FYN: variants seen among roughly 807,000 people sequenced by gnomAD.
FYN encodes FYN proto-oncogene, Src family tyrosine kinase, also known as tyrosine-protein kinase Fyn.
In FYN, 10 loss-of-function variants were observed where a neutral mutation model predicts 70.2. The observed-to-expected ratio is 0.14, with a 90% CI of 0.09 to 0.24. The LOEUF (loss-of-function observed/expected upper bound fraction) is 0.24, where lower values mean the gene tolerates loss of function less well. Ranked by LOEUF, FYN falls within the 10% of genes least tolerant of loss-of-function variation. The pLI is 1.00. For missense variants in FYN, 319 were observed against 673.1 expected, an observed-to-expected ratio of 0.47 and a Z score of 5.82; for synonymous variants, 236 against 248.6, an observed-to-expected ratio of 0.95 and a Z score of 0.48.
In FYN at chr6:111,847,286, C is replaced by T. The variant is rs1773559799; in HGVS notation, c.-122-657G>A. The stretch of plus-strand genomic sequence containing the variant: ...GCTGAGTGCTGGTTCTGATGACACC[C>T]ATGCATGCTTCACATTAATCTTTAA... On this transcript the variant is annotated intron_variant, in intron 1 of 13. Transcript: ENST00000354650. Among the ~76,000 whole-genome samples, 4 of 152,234 alleles carry T rather than the reference C, an allele frequency of 2.6e-5. 1 individual carries two copies. The South Asian group carries it at 8.3e-4, about 31-fold the overall frequency.
rs62413725 is a variant in FYN, at chr6:111,848,916, T to C, written c.-122-2287A>G. 9.1e-3 allele frequency among the ~76,000 whole-genome samples: 1,393 copies of C among 152,356 alleles called. 15 individuals are homozygous for C. Among genetic ancestry groups the C allele is most frequent in the South Asian group, 0.028 (133 of 4,834 alleles). On this transcript the variant is annotated intron_variant, in intron 1 of 13. Transcript: ENST00000354650. ...ACCAATTATCTTCCTAATTTATCTT[T>C]ATTCTAAATCTGATTTTTTGAAGAT...
chr6:111,693,331 C>T (rs930863257), intron 12 of FYN, among the ~76,000 whole-genome samples: 18 of 152,192 alleles, frequency 1.2e-4, no homozygotes, highest in Non-Finnish European at 1.9e-4. Context: ...GTCACTGCTC[C>T]GCTTTGCTTG....
At chr6:111,741,082 C>G (rs1375769528) in intron 3 of FYN, 2 of 147,096 alleles carry the variant, frequency 1.4e-5, no homozygotes, top group Non-Finnish European at 3.0e-5. Flanking sequence ...GCCTGGGTGA[C>G]AGAGTGAGAC....
chr6:111,750,158 T>C (rs755880066), intron 3 of FYN, among the ~76,000 whole-genome samples: 7 of 152,242 alleles, frequency 4.6e-5, no homozygotes, highest in Non-Finnish European at 1.0e-4. Flanking sequence ...TTTGCATGTA[T>C]GTCTCCGTCC....
At chr6:111,794,936 G>C (rs868571268) in intron 2 of FYN, among the ~76,000 whole-genome samples, 23 of 152,150 alleles carry the variant, frequency 1.5e-4, no homozygotes, top group Admixed American at 6.6e-5. Flanking sequence ...TAAGTCACAG[G>C]CAAGTCCTAA....
chr6:111,831,588 T>C (rs1191837995), intron 2 of FYN, among the ~76,000 whole-genome samples: 1 of 152,206 alleles, frequency 6.6e-6, no homozygotes, highest in Admixed American at 6.5e-5. Flanking sequence ...CTCAAAAGGA[T>C]GTTATCAAGT....
intron 3 of FYN, among the ~76,000 whole-genome samples, chr6:111,736,163 G>A (rs1801699971): frequency 1.3e-5 from 2 of 152,198 alleles, no homozygotes; most frequent in African/African-American, 4.8e-5. Flanking sequence ...AGGGTTAGAG[G>A]TGCAGATGAA....
chr6:111,836,438 A>T (rs1773188859), intron 2 of FYN, among the ~76,000 whole-genome samples: 1 of 151,758 alleles, frequency 6.6e-6, no homozygotes, highest in Admixed American at 6.6e-5. Flanking sequence ...AAATTTTTAA[A>T]TTATATTTCC....
intron 4 of FYN, among the ~76,000 whole-genome samples, chr6:111,716,490 A>G (rs1800648745): frequency 6.6e-6 from 1 of 152,150 alleles, no homozygotes; most frequent in Non-Finnish European, 1.5e-5. Flanking sequence ...CTGTGTACCT[A>G]GTACAGTTAT....
intron 3 of FYN, among the ~76,000 whole-genome samples, chr6:111,752,461 A>C (rs79755561): frequency 1.4e-3 from 215 of 152,342 alleles, no homozygotes; most frequent in African/African-American, 5.0e-3. Flanking sequence ...TCCAATGGAG[A>C]GATCAGTCAA....
chr6:111,667,483 G>A (rs1283066792), intron 13 of FYN, among the ~76,000 whole-genome samples: 1 of 152,008 alleles, frequency 6.6e-6, no homozygotes, highest in East Asian at 1.9e-4. Context: ...TGAACTTCTG[G>A]CCTCAAGCGA....
chr6:111,698,178 T>C (rs1799658612), intron 9 of FYN, among the ~76,000 whole-genome samples: 2 of 93,038 alleles, frequency 2.1e-5, no homozygotes, highest in South Asian at 5.5e-4. Flanking sequence ...CAGGCTGGAG[T>C]GCAATGGTGC....
In FYN at chr6:111,808,844, C is replaced by T. The variant is rs552723237; in HGVS notation, c.-81-28209G>A. ...AGTAACTTTTGAAATGACACAACTTCGTCCAGAGAAGTCGTTCAACAATAA... is the reference window on the plus strand; with the variant it reads ...AGTAACTTTTGAAATGACACAACTTTGTCCAGAGAAGTCGTTCAACAATAA... On this transcript the variant is annotated intron_variant, in intron 2 of 13. Transcript: ENST00000354650. Among the ~76,000 whole-genome samples, 5 of 152,304 alleles carry T rather than the reference C, an allele frequency of 3.3e-5. No homozygotes were observed. The East Asian group carries it at 5.8e-4, about 18-fold the overall frequency.
intron 3 of FYN, among the ~76,000 whole-genome samples, chr6:111,750,525 T>C (rs911220288): frequency 6.6e-6 from 1 of 152,212 alleles, no homozygotes; most frequent in Non-Finnish European, 1.5e-5. Flanking sequence ...GGTATTTCTT[T>C]ACAGTAATGT....
intron 3 of FYN, among the ~76,000 whole-genome samples, chr6:111,759,296 T>C (rs2128492904): frequency 6.6e-6 from 1 of 152,232 alleles, no homozygotes; most frequent in Non-Finnish European, 1.5e-5. Flanking sequence ...TCTTTTAAGG[T>C]GGAGTGATTT....
chr6:111,830,779 G>C (rs1176077165), intron 2 of FYN, among the ~76,000 whole-genome samples: 1 of 152,098 alleles, frequency 6.6e-6, no homozygotes, highest in East Asian at 1.9e-4. Context: ...GGATATAAGG[G>C]GATGAGCTGG....
At chr6:111,785,376 G>A (rs1316643074) in intron 2 of FYN, among the ~76,000 whole-genome samples, 1 of 152,190 alleles carries the variant, frequency 6.6e-6, no homozygotes, top group African/African-American at 2.4e-5. Context: ...ACAGTAGCTG[G>A]CACTGAATAT....
intron 13 of FYN, among the ~76,000 whole-genome samples, chr6:111,667,851 C>T (rs1798079368): frequency 6.6e-6 from 1 of 152,196 alleles, no homozygotes; most frequent in African/African-American, 2.4e-5. Flanking sequence ...TAAGTGTTAC[C>T]CGTCCATGTT....
intron 3 of FYN, among the ~76,000 whole-genome samples, chr6:111,751,161 G>A (rs1802467500): frequency 6.6e-6 from 1 of 152,062 alleles, no homozygotes; most frequent in South Asian, 2.1e-4. Context: ...ACTATTTTGG[G>A]GGCACTGGGG....
Sources: allele counts gnomAD v4.1 joint callset (sites outside exome capture counted in the v4.1 genomes callset), GRCh38; gene constraint gnomAD v4.1.1; transcripts MANE v1.5; gene names NCBI Gene and HGNC (gene_info 2026-07-23, HGNC 2026-07-21).